The following CALN1 variants were observed in gnomAD, a reference collection of about 807,000 sequenced individuals.
CALN1 encodes calneuron 1.
In CALN1, 17 loss-of-function variants were observed where a neutral mutation model predicts 30.6. The observed-to-expected ratio is 0.56, with a 90% CI of 0.38 to 0.83. The LOEUF (loss-of-function observed/expected upper bound fraction) is 0.83. Ranked by LOEUF, CALN1 falls within the 40% of genes least tolerant of loss-of-function variation. The pLI, the probability that CALN1 is intolerant of heterozygous loss-of-function variation, is 0.00. For missense variants in CALN1, 291 were observed against 354.9 expected (o/e 0.82, Z 1.45); for synonymous variants, 156 against 131.4 (o/e 1.19, Z -1.28).
the CALN1 span, among the ~76,000 whole-genome samples, chr7:72,475,751 C>T: frequency 6.6e-6 from 1 of 152,008 alleles, no homozygotes; most frequent in Non-Finnish European, 1.5e-5. Context: ...AGAGCCTTGC[C>T]CAAATCTCAT....
At chr7:72,222,207 C>G (rs1283309264) in intron 3 of CALN1, among the ~76,000 whole-genome samples, 1 of 149,512 alleles carries the variant, frequency 6.7e-6, no homozygotes, top group African/African-American at 2.5e-5. Flanking sequence ...GTCTGGGTAA[C>G]AGAGCGAGAC....
At chr7:71,924,237 C>G (rs1330589895) in intron 5 of CALN1, among the ~76,000 whole-genome samples, 1 of 59,842 alleles carries the variant, frequency 1.7e-5, no homozygotes, top group East Asian at 3.2e-4. Context: ...GATTTCAGAT[C>G]TTTTTAAAAA....
At chr7:72,408,653 GACC>G (rs1806875349) in intron 1 of CALN1, among the ~76,000 whole-genome samples, 1 of 142,174 alleles carries the variant, frequency 7.0e-6, no homozygotes, top group African/African-American at 2.6e-5. Context: ...ACATACAAAT[GACC>G]ACCAATTATT....
chr7:72,347,414 G>A (rs1448499347), intron 2 of CALN1, among the ~76,000 whole-genome samples: 2 of 151,892 alleles, frequency 1.3e-5, no homozygotes, highest in Non-Finnish European at 2.9e-5. Context: ...TTACAGGCAT[G>A]TGCCATCATG....
chr7:72,457,440 C>G, the CALN1 span, among the ~76,000 whole-genome samples: 64 of 152,286 alleles, frequency 4.2e-4, no homozygotes, highest in African/African-American at 1.5e-3. Flanking sequence ...CCACTTGCAA[C>G]TCCCAGAAGA....
In CALN1 at chr7:71,801,424, GTATGTATC is replaced by G. The variant is rs1369144084; in HGVS notation, c.658+8904_658+8911del. Among the ~76,000 whole-genome samples the G allele has an allele frequency of 8.1e-3, 826 of 102,574 alleles. 5 individuals are homozygous for G. The highest frequency in any genetic ancestry group is 0.017 in the East Asian group (57 of 3,420). 67.3% of individuals were successfully genotyped at this position (102,574 alleles called of 152,430 possible). On this transcript the variant is annotated intron_variant, in intron 6 of 6. Transcript: ENST00000395275. ...TGTATGTATGTATGTATGTATGTAT[GTATGTATC>G]TATCTATCTATCTATCTATCTATCT...
At chr7:72,125,825 G>A (rs1200399661) in intron 3 of CALN1, among the ~76,000 whole-genome samples, 3 of 111,132 alleles carry the variant, frequency 2.7e-5, no homozygotes, top group Non-Finnish European at 5.8e-5. Flanking sequence ...TTTTTGAGAC[G>A]GAGTCTTGCC....
chr7:72,357,765 A>G (rs544975148), intron 2 of CALN1, among the ~76,000 whole-genome samples: 3 of 150,882 alleles, frequency 2.0e-5, no homozygotes, highest in Middle Eastern at 3.5e-3. Context: ...AAACATGTTT[A>G]TAGGAATTCT....
chr7:71,921,849 C>G (rs910149979), intron 5 of CALN1, among the ~76,000 whole-genome samples: 12 of 151,990 alleles, frequency 7.9e-5, no homozygotes, highest in East Asian at 3.9e-4. Context: ...CATCCTACCC[C>G]CTTCCCAGAC....
intron 4 of CALN1, among the ~76,000 whole-genome samples, chr7:72,066,253 C>A (rs34501524): frequency 0.21 from 31,993 of 152,210 alleles, 4,266 homozygotes; most frequent in Middle Eastern, 0.33. Flanking sequence ...TTCAGGGAAG[C>A]ACTGCTAAAA....
At chr7:72,431,340 G>A (rs1027341634) in intron 1 of CALN1, among the ~76,000 whole-genome samples, 2 of 152,054 alleles carry the variant, frequency 1.3e-5, no homozygotes, top group African/African-American at 4.8e-5. Context: ...AAAAAACTGA[G>A]GGTTTGGGGG....
At chr7:72,364,182 GAAAAT>G (rs1195687115) in intron 2 of CALN1, among the ~76,000 whole-genome samples, 4 of 152,038 alleles carry the variant, frequency 2.6e-5, no homozygotes, top group African/African-American at 9.7e-5. Context: ...TACCAGATAA[GAAAAT>G]ACTTTTGTAA....
chr7:72,291,287 T>C (rs1798462194), intron 2 of CALN1, among the ~76,000 whole-genome samples: 1 of 152,232 alleles, frequency 6.6e-6, no homozygotes. Flanking sequence ...TTTCCATTTC[T>C]GAAGGCACTA....
the CALN1 span, among the ~76,000 whole-genome samples, chr7:72,468,887 C>G: frequency 6.6e-6 from 1 of 152,108 alleles, no homozygotes; most frequent in Non-Finnish European, 1.5e-5. Flanking sequence ...AAATCCTTTG[C>G]CCATTTTTAA....
At chr7:72,237,682 T>C (rs1260021764) in intron 3 of CALN1, among the ~76,000 whole-genome samples, 5 of 152,232 alleles carry the variant, frequency 3.3e-5, no homozygotes, top group African/African-American at 1.2e-4. Flanking sequence ...CAGCCCTTAC[T>C]GAGTCCTCCC....
rs117099602 is a variant in CALN1 at position 72,197,932 on chromosome 7, T to C, written c.244+80754A>G. ...GAACGTGGCCTGCAGAGTTTCTGCA[T>C]TGAGGAATTTAAGACACCTTTCTTC... is the stretch of plus-strand genomic sequence containing the variant. On this transcript the variant is annotated intron_variant, in intron 3 of 6. Transcript: ENST00000395275. 5.6e-4 allele frequency among the ~76,000 whole-genome samples: 86 copies of C among 152,218 alleles called. 1 individual carries two copies. The East Asian group carries it at 0.013, about 24-fold the overall frequency.
At chr7:72,207,598 G>C (rs1043517476) in intron 3 of CALN1, among the ~76,000 whole-genome samples, 2 of 151,190 alleles carry the variant, frequency 1.3e-5, no homozygotes, top group Admixed American at 1.3e-4. Flanking sequence ...TTACAGGCAT[G>C]AGCCACTGCA....
chr7:72,099,789 C>G (rs1220188517), intron 4 of CALN1, among the ~76,000 whole-genome samples: 1 of 152,078 alleles, frequency 6.6e-6, no homozygotes, highest in South Asian at 2.1e-4. Context: ...AATAAATGTG[C>G]TTTTACGTGA....
At chr7:72,209,461 CTT>C (rs1792222390) in intron 3 of CALN1, among the ~76,000 whole-genome samples, 1 of 143,454 alleles carries the variant, frequency 7.0e-6, no homozygotes, top group African/African-American at 2.6e-5. Flanking sequence ...TACATCCTTT[CTT>C]CCTCCCTTCC....
Sources: allele counts gnomAD v4.1 joint callset (sites outside exome capture counted in the v4.1 genomes callset), GRCh38; gene constraint gnomAD v4.1.1; transcripts MANE v1.5; gene names NCBI Gene and HGNC (gene_info 2026-07-23, HGNC 2026-07-21).